The following KIAA0753 variants were observed in gnomAD, a reference collection of about 807,000 sequenced individuals.
KIAA0753 encodes the protein protein moonraker.
A neutral mutation model predicts 116.9 loss-of-function variants in KIAA0753; 114 were observed. That is an observed-to-expected ratio of 0.98 (90% CI 0.84 to 1.14). The LOEUF (loss-of-function observed/expected upper bound fraction) is 1.14, where lower values mean the gene tolerates loss of function less well. Among genes scored for constraint, KIAA0753 ranks in the 50% most tolerant of loss-of-function variants. KIAA0753 has a pLI of 0.00. For missense variants in KIAA0753, 1,156 were observed against 1,172.4 expected, an observed-to-expected ratio of 0.99 and a Z score of 0.20; for synonymous variants, 405 against 413.1, an observed-to-expected ratio of 0.98 and a Z score of 0.24.
In KIAA0753 at chr17:6,590,593, A is replaced by C; in HGVS notation, c.2478T>G (p.Ser826=). 1 of 1,614,012 alleles carries C rather than the reference A, an allele frequency of 6.2e-7. No homozygotes were observed. Among genetic ancestry groups the C allele is most frequent in the Non-Finnish European group, 8.5e-7 (1 of 1,179,924 alleles). The change falls in exon 17 of 19, where the codon TCT becomes TCG. Residue 826 remains serine (S), a synonymous_variant. Transcript: ENST00000361413. ...TCTTCGTGATTCTGATTGGATGAGG[A>C]GATAGAGGCTTTTCACTTATTGCTG... ...KISAISEKPL[S]PHPIRITKTV...
intron 9 of KIAA0753, among the ~76,000 whole-genome samples, chr17:6,609,509 A>G (rs1970396909): frequency 1.3e-5 from 2 of 152,242 alleles, no homozygotes; most frequent in Non-Finnish European, 2.9e-5. Flanking sequence ...CCCTGCAGCT[A>G]AGACAGTGTT....
rs1349814240 is a variant in KIAA0753, at chr17:6,610,001, G to A, written c.1705C>T (p.Pro569Ser). 1 of 1,614,040 alleles carries A rather than the reference G, an allele frequency of 6.2e-7. No individual in the cohort carries two copies. The highest frequency in any genetic ancestry group is 2.2e-5 in the East Asian group (1 of 44,890). The change falls in exon 9 of 19, where the codon CCT becomes TCT. Residue 569 changes from proline (P) to serine (S), a missense_variant. Coordinates refer to ENST00000361413, the MANE Select transcript of KIAA0753 (RefSeq NM_014804.3). Reference sequence around the variant, plus strand: ...CCTTGAGTTTTCACATACCATTTAGGAGACGCTGGTGGGGATGTGGGGTTT... The same window carrying A: ...CCTTGAGTTTTCACATACCATTTAGAAGACGCTGGTGGGGATGTGGGGTTT... ...PPNPTSPPAS[P>S]KCAAWLKVKT...
At chr17:6,582,965 T>C (rs750833622) in intron 18 of KIAA0753, among the ~76,000 whole-genome samples, 1 of 152,238 alleles carries the variant, frequency 6.6e-6, no homozygotes, top group Non-Finnish European at 1.5e-5. Context: ...AACATCAGTA[T>C]TGTTTCATAC....
chr17:6,617,884 C>A (rs1274099892), intron 7 of KIAA0753, among the ~76,000 whole-genome samples: 1 of 152,200 alleles, frequency 6.6e-6, no homozygotes, highest in African/African-American at 2.4e-5. Flanking sequence ...AGGCGGATCA[C>A]CTGAGGTTGG....
At chr17:6,625,925 C>T (rs12941662) in intron 3 of KIAA0753, among the ~76,000 whole-genome samples, 18,030 of 152,118 alleles carry the variant, frequency 0.12, 1,653 homozygotes, top group East Asian at 0.36. Context: ...TGGTCTCAAA[C>T]TCCTGGCCTC....
At chr17:6,604,101 T>C (rs1369979602) in intron 12 of KIAA0753, among the ~76,000 whole-genome samples, 1 of 152,174 alleles carries the variant, frequency 6.6e-6, no homozygotes, top group Non-Finnish European at 1.5e-5. Context: ...AAACAAAACA[T>C]ACCACTAGCA....
intron 2 of KIAA0753, among the ~76,000 whole-genome samples, chr17:6,634,033 C>CTTTCACCA (rs1347453487): frequency 1.3e-4 from 20 of 150,172 alleles, no homozygotes; most frequent in Non-Finnish European, 7.4e-5. Context: ...ATGTGTACAT[C>CTTTCACCA]TTTCACCATT....
chr17:6,625,995 C>T (rs965480685), intron 3 of KIAA0753, among the ~76,000 whole-genome samples: 5 of 152,222 alleles, frequency 3.3e-5, no homozygotes, highest in African/African-American at 1.2e-4. Context: ...AGCCACCATG[C>T]CCAGCCTTAA....
At chr17:6,628,804 T>C (rs1481562046) in intron 2 of KIAA0753, 63 bp from the exon 3 acceptor site, 2 of 1,482,208 alleles carry the variant, frequency 1.3e-6, no homozygotes, top group South Asian at 2.7e-5. Context: ...AGTTGGTATA[T>C]GTCTATAATC....
chr17:6,589,417 G>A (rs749900458), intron 18 of KIAA0753, among the ~76,000 whole-genome samples: 4 of 152,218 alleles, frequency 2.6e-5, no homozygotes, highest in South Asian at 2.1e-4. Flanking sequence ...TTTAAGTCAC[G>A]CAGTCGATGG....
intron 18 of KIAA0753, among the ~76,000 whole-genome samples, chr17:6,585,923 T>C (rs1968541360): frequency 6.6e-6 from 1 of 152,222 alleles, no homozygotes; most frequent in African/African-American, 2.4e-5. Context: ...AAGCCTCCTA[T>C]TTCCTGACTC....
intron 7 of KIAA0753, among the ~76,000 whole-genome samples, chr17:6,620,327 C>T (rs1335821573): frequency 6.6e-6 from 1 of 151,604 alleles, no homozygotes; most frequent in Non-Finnish European, 1.5e-5. Context: ...TTTTAAGGGG[C>T]AAGTTGGCAG....
Position 6,628,398 on chromosome 17 carries a change from C to T in KIAA0753, c.437G>A (p.Arg146Lys), listed in dbSNP as rs780587912. 1 of 1,614,216 alleles carries T rather than the reference C, an allele frequency of 6.2e-7. No homozygotes were observed. Among genetic ancestry groups the T allele is most frequent in the Non-Finnish European group, 8.5e-7 (1 of 1,180,036 alleles). ...GGCTGCTTGACTCTTTGATTCCTTCCTTTCCACCCTGTGGTCGGGTATTTT... is the reference window on the plus strand; with the variant it reads ...GGCTGCTTGACTCTTTGATTCCTTCTTTTCCACCCTGTGGTCGGGTATTTT... ...KYKIPDHRVE[R>K]KESKSQAACQ... is the part of the protein sequence containing the mutation. Residue 146 changes from arginine to lysine, a missense_variant, in exon 3 of 19, where the codon AGG becomes AAG. By Grantham distance (26) the Arg-to-Lys change is conservative. Coordinates refer to ENST00000361413, the MANE Select transcript of KIAA0753 (RefSeq NM_014804.3).
intron 2 of KIAA0753, among the ~76,000 whole-genome samples, chr17:6,634,415 G>A (rs1044778231): frequency 6.6e-6 from 1 of 152,136 alleles, no homozygotes; most frequent in Non-Finnish European, 1.5e-5. Context: ...TAAACAGAGT[G>A]AATTCTAATG....
chr17:6,614,774 G>A (rs1166023437), intron 7 of KIAA0753, among the ~76,000 whole-genome samples: 1 of 152,052 alleles, frequency 6.6e-6, no homozygotes, highest in African/African-American at 2.4e-5. Flanking sequence ...TATTCAATGG[G>A]AAATTCCAGA....
At chr17:6,627,099 A>G (rs1782929716) in intron 3 of KIAA0753, among the ~76,000 whole-genome samples, 1 of 152,234 alleles carries the variant, frequency 6.6e-6, no homozygotes, top group East Asian at 1.9e-4. Context: ...TTCTGGCCTT[A>G]ATATGTGGAA....
chr17:6,600,698 A>G (rs1034168570), intron 12 of KIAA0753, among the ~76,000 whole-genome samples: 1 of 152,152 alleles, frequency 6.6e-6, no homozygotes, highest in African/African-American at 2.4e-5. Context: ...TGCTGTTCCT[A>G]GGCCTTACTT....
chr17:6,619,390 T>C (rs55844550), intron 7 of KIAA0753, among the ~76,000 whole-genome samples: 3 of 152,112 alleles, frequency 2.0e-5, no homozygotes, highest in African/African-American at 7.2e-5. Context: ...AATTCAGCTA[T>C]AAATCTATAT....
intron 2 of KIAA0753, among the ~76,000 whole-genome samples, chr17:6,631,340 C>G (rs1972010598): frequency 6.6e-6 from 1 of 152,214 alleles, no homozygotes; most frequent in African/African-American, 2.4e-5. Flanking sequence ...TCTAATTTTG[C>G]AGGCTTCTTC....
Sources: allele counts gnomAD v4.1 joint callset (sites outside exome capture counted in the v4.1 genomes callset), GRCh38; gene constraint gnomAD v4.1.1; transcripts MANE v1.5; gene names NCBI Gene and HGNC (gene_info 2026-07-23, HGNC 2026-07-21).